ABI1: variants seen among roughly 807,000 people sequenced by gnomAD.
ABI1 encodes the protein abl interactor 1.
Under a neutral mutation model 54.6 loss-of-function variants are expected in ABI1, and 14 were observed. The ratio of observed to expected loss-of-function variants is 0.26; its 90% confidence interval spans 0.17 to 0.40. The LOEUF (loss-of-function observed/expected upper bound fraction) is 0.40, where lower values mean the gene tolerates loss of function less well. Among genes scored for constraint, ABI1 ranks in the 10% least tolerant of loss-of-function variants. The pLI is 1.00. For missense variants in ABI1, 443 were observed against 598.3 expected (o/e 0.74, Z 2.71); for synonymous variants, 194 against 209.3 (o/e 0.93, Z 0.63).
rs2049450264 is a variant in ABI1, at chr10:26,840,911, C to T, written c.118-17606G>A. Among the ~76,000 whole-genome samples the T allele has an allele frequency of 2.0e-5, 3 of 151,894 alleles. No individual in the cohort carries two copies. In the South Asian group the frequency reaches 6.2e-4, roughly 31 times the overall value. ...GGGCCACACCAATACAGTTTTGGTC[C>T]ATCATCAACCACTACCATTAGATTC... On this transcript the variant is annotated intron_variant, in intron 1 of 10. Coordinates refer to ENST00000376140, the MANE Select transcript of ABI1 (RefSeq NM_001012750.3).
chr10:26,849,246 G>C (rs1314804839), intron 1 of ABI1, among the ~76,000 whole-genome samples: 1 of 152,076 alleles, frequency 6.6e-6, no homozygotes, highest in Admixed American at 6.5e-5. Flanking sequence ...GCCTCTTAGA[G>C]GTAATCAAGG....
chr10:26,823,138 C>T lies in ABI1; in HGVS notation c.285G>A (p.Gln95=), dbSNP rs2048093311. Residue 95 remains glutamine (Q), a splice_region_variant and synonymous_variant, in exon 2 of 11, where the codon CAG becomes CAA. Transcript: ENST00000376140. The stretch of plus-strand genomic sequence containing the variant: ...TTTAAAGCATTTTATAAGCTGTTAC[C>T]TGTGAGATATGATTGATGGAAGACT... ...RMESSINHIS[Q]TVDIHKEKVA... The T allele has an allele frequency of 6.3e-7, 1 of 1,588,772 alleles. No homozygotes were observed. Among genetic ancestry groups the T allele is most frequent in the African/African-American group, 1.4e-5 (1 of 73,006 alleles).
At chr10:26,839,067 T>C (rs1220621156) in intron 1 of ABI1, among the ~76,000 whole-genome samples, 2 of 152,232 alleles carry the variant, frequency 1.3e-5, no homozygotes, top group East Asian at 3.8e-4. Context: ...TAACTGAGCA[T>C]GTTTTTGATC....
intron 2 of ABI1, among the ~76,000 whole-genome samples, chr10:26,786,056 C>A (rs547929055): frequency 6.6e-6 from 1 of 152,182 alleles, no homozygotes; most frequent in Non-Finnish European, 1.5e-5. Context: ...AGGGCAAAAT[C>A]TGACTCTTCA....
At chr10:26,853,931 C>A (rs897249243) in intron 1 of ABI1, among the ~76,000 whole-genome samples, 3 of 152,092 alleles carry the variant, frequency 2.0e-5, no homozygotes, top group Non-Finnish European at 4.4e-5. Flanking sequence ...AACCTCTTGT[C>A]CCAATATGAA....
intron 7 of ABI1, among the ~76,000 whole-genome samples, chr10:26,763,401 T>TC (rs1163199946): frequency 8.5e-5 from 13 of 152,206 alleles, no homozygotes; most frequent in African/African-American, 3.1e-4. Context: ...TTTCATGGCA[T>TC]CCTGAGATGT....
intron 1 of ABI1, among the ~76,000 whole-genome samples, chr10:26,835,088 CAAAAA>C (rs201431383): frequency 9.3e-5 from 3 of 32,140 alleles, no homozygotes; most frequent in African/African-American, 2.9e-4. Context: ...GATTCTACCT[CAAAAA>C]AAAAAAAAAA....
intron 1 of ABI1, among the ~76,000 whole-genome samples, chr10:26,831,349 A>C (rs9804398): frequency 0.34 from 50,955 of 151,846 alleles, 9,318 homozygotes; most frequent in East Asian, 0.54. Context: ...TCAAGACCAG[A>C]CTGGCCAGCA....
intron 1 of ABI1, among the ~76,000 whole-genome samples, chr10:26,843,167 G>A (rs1293068634): frequency 2.6e-5 from 4 of 151,718 alleles, no homozygotes; most frequent in Non-Finnish European, 5.9e-5. Flanking sequence ...AAATATCTTG[G>A]TGGGGTCCAG....
At chr10:26,832,279 C>T (rs985714630) in intron 1 of ABI1, among the ~76,000 whole-genome samples, 6 of 152,092 alleles carry the variant, frequency 3.9e-5, no homozygotes, top group African/African-American at 4.8e-5. Context: ...ATTTAACGGC[C>T]TTTTAAAAAA....
At chr10:26,823,369 T>C (rs2133803632) in intron 1 of ABI1, 64 bp from the exon 2 acceptor site, 4 of 1,236,698 alleles carry the variant, frequency 3.2e-6, no homozygotes, top group Non-Finnish European at 4.3e-6. Context: ...ATATATTCTA[T>C]AGAAAGGCAA....
chr10:26,803,854 G>A (rs1351956039), intron 2 of ABI1, among the ~76,000 whole-genome samples: 3 of 152,032 alleles, frequency 2.0e-5, no homozygotes, highest in African/African-American at 7.3e-5. Flanking sequence ...AAACAGATAA[G>A]GTTCCTGTCA....
At chr10:26,854,428 G>C (rs1411716348) in intron 1 of ABI1, among the ~76,000 whole-genome samples, 1 of 149,204 alleles carries the variant, frequency 6.7e-6, no homozygotes, top group Non-Finnish European at 1.5e-5. Flanking sequence ...GATATGCTGG[G>C]TTCACAGACT....
Position 26,823,446 on chromosome 10 carries a change from G to T in ABI1, c.118-141C>A. 7 of 698,576 alleles carry T rather than the reference G, an allele frequency of 1.0e-5. No individual in the cohort carries two copies. In the South Asian group the frequency reaches 2.4e-4, roughly 24 times the overall value. The allele number at this position is 698,576 out of a possible 1,614,324, so 43.3% of individuals were successfully genotyped here. The stretch of plus-strand genomic sequence containing the variant: ...CACTGTACCAATATGATAGTCTCAG[G>T]ATACTACTGAATTAAGCCATGGCAG... On this transcript the variant is annotated intron_variant, in intron 1 of 10. Transcript: ENST00000376140.
At chr10:26,812,456 C>T (rs1000910720) in intron 2 of ABI1, among the ~76,000 whole-genome samples, 3 of 152,210 alleles carry the variant, frequency 2.0e-5, no homozygotes, top group East Asian at 3.8e-4. Flanking sequence ...ACAAATGACA[C>T]TTATCAATCT....
At chr10:26,852,091 C>T (rs956124533) in intron 1 of ABI1, among the ~76,000 whole-genome samples, 3 of 151,844 alleles carry the variant, frequency 2.0e-5, no homozygotes, top group Admixed American at 6.6e-5. Flanking sequence ...CCCAGAATTA[C>T]GAGGACAGCT....
At chr10:26,816,548 T>C (rs189760129) in intron 2 of ABI1, among the ~76,000 whole-genome samples, 3 of 152,268 alleles carry the variant, frequency 2.0e-5, no homozygotes, top group Admixed American at 6.5e-5. Context: ...GAATGACAAT[T>C]TGCCAAGGCA....
At chr10:26,786,084 G>C (rs1224237554) in intron 2 of ABI1, among the ~76,000 whole-genome samples, 3 of 152,072 alleles carry the variant, frequency 2.0e-5, no homozygotes, top group African/African-American at 7.2e-5. Flanking sequence ...TGAAAAAACT[G>C]TTTTTATAGT....
At chr10:26,812,752 TCTTTC>T (rs1160330354) in intron 2 of ABI1, among the ~76,000 whole-genome samples, 1 of 152,158 alleles carries the variant, frequency 6.6e-6, no homozygotes, top group Non-Finnish European at 1.5e-5. Flanking sequence ...TTCACCCTCT[TCTTTC>T]AAGAATACCA....
Sources: gnomAD v4.1 joint callset for allele counts (sites outside exome capture counted in the v4.1 genomes callset) on GRCh38, gnomAD v4.1.1 for gene constraint, MANE v1.5 for transcripts, NCBI Gene and HGNC (gene_info 2026-07-23, HGNC 2026-07-21) for gene names.